The following MAMLD1 variants were observed in gnomAD, a reference collection of about 807,000 sequenced individuals.
MAMLD1 encodes mastermind like domain containing 1, also known as mastermind-like domain-containing protein 1.
In MAMLD1, 14 loss-of-function variants were observed where a neutral mutation model predicts 45.0. The observed-to-expected ratio is 0.31, with a 90% CI of 0.21 to 0.49. The LOEUF (loss-of-function observed/expected upper bound fraction) is 0.49. Among genes scored for constraint, MAMLD1 ranks in the 20% least tolerant of loss-of-function variants. MAMLD1 has a pLI of 0.99. For synonymous variants in MAMLD1, 254 were observed against 247.8 expected, an observed-to-expected ratio of 1.02 and a Z score of -0.24; for missense variants, 543 against 603.6, an observed-to-expected ratio of 0.90 and a Z score of 1.05.
chrX:150,430,019 C>CTTTTTTTTTTTT lies in MAMLD1; in HGVS notation c.-63-15422_-63-15411dup, dbSNP rs1174092962. On this transcript the variant is annotated intron_variant, in intron 1 of 7. Coordinates refer to ENST00000370401, the MANE Select transcript of MAMLD1 (RefSeq NM_005491.5). Reference sequence around the variant, plus strand: ...CCATTTTCTTTTCTTTCTTTCTTTTCTTTTTTTTTTTTTTTTTTTTTTTTG... The same window carrying CTTTTTTTTTTTT: ...CCATTTTCTTTTCTTTCTTTCTTTTCTTTTTTTTTTTTTTTTTTTTTTTTTTTTTTTTTTTTG... 1.2e-3 allele frequency among the ~76,000 whole-genome samples: 58 copies of CTTTTTTTTTTTT among 49,219 alleles called. 4 individuals are homozygous for CTTTTTTTTTTTT. The highest frequency in any genetic ancestry group is 1.5e-3 in the Admixed American group (4 of 2,751). 42.7% of individuals were successfully genotyped at this position (49,219 alleles called of 115,157 possible).
At chrX:150,486,650 C>T (rs984380748) in intron 5 of MAMLD1, among the ~76,000 whole-genome samples, 2 of 111,894 alleles carry the variant, frequency 1.8e-5, no homozygotes, top group African/African-American at 6.5e-5. Flanking sequence ...AACCTATTTA[C>T]CCCTTTCCCA....
At chrX:150,482,085 A>G (rs1287085619) in intron 5 of MAMLD1, among the ~76,000 whole-genome samples, 12 of 111,948 alleles carry the variant, frequency 1.1e-4, no homozygotes, top group African/African-American at 3.6e-4. Flanking sequence ...TTTGTTCACA[A>G]TAGTCAAAAG....
chrX:150,455,017 C>T (rs782605820), intron 2 of MAMLD1, among the ~76,000 whole-genome samples: 5 of 110,870 alleles, frequency 4.5e-5, no homozygotes, highest in Admixed American at 3.8e-4. Context: ...CTCATGTACA[C>T]GTACATGGTT....
intron 1 of MAMLD1, among the ~76,000 whole-genome samples, chrX:150,439,611 C>A (rs1188927056): frequency 1.8e-5 from 2 of 111,240 alleles, no homozygotes; most frequent in African/African-American, 6.5e-5. Context: ...GGTGTTGGCA[C>A]CCTGGTTGAA....
At chrX:150,426,774 C>T (rs1329821312) in intron 1 of MAMLD1, among the ~76,000 whole-genome samples, 2 of 111,267 alleles carry the variant, frequency 1.8e-5, no homozygotes, top group Non-Finnish European at 3.8e-5. Context: ...CTAAGCAGGC[C>T]CAGAAGCTCA....
At chrX:150,424,915 C>T (rs2034652840) in intron 1 of MAMLD1, among the ~76,000 whole-genome samples, 1 of 112,038 alleles carries the variant, frequency 8.9e-6, no homozygotes, top group Non-Finnish European at 1.9e-5. Context: ...TCCCCTAGCC[C>T]TAGGCAACCA....
chrX:150,385,908 A>T (rs1557402019), intron 1 of MAMLD1, among the ~76,000 whole-genome samples: 1 of 112,186 alleles, frequency 8.9e-6, no homozygotes, highest in Non-Finnish European at 1.9e-5. Context: ...TTGAGTAATC[A>T]GAACCCTTCT....
At chrX:150,394,523 T>C (rs2033340962) in intron 1 of MAMLD1, among the ~76,000 whole-genome samples, 1 of 111,195 alleles carries the variant, frequency 9.0e-6, no homozygotes, top group Admixed American at 9.6e-5. Context: ...AATCTATAGA[T>C]CAAATTGGGA....
At chrX:150,407,953 T>C (rs2034036574) in intron 1 of MAMLD1, among the ~76,000 whole-genome samples, 1 of 111,870 alleles carries the variant, frequency 8.9e-6, no homozygotes, top group Non-Finnish European at 1.9e-5. Context: ...TTTCTCTCTT[T>C]GCTGGCTCTA....
At chrX:150,428,984 C>A (rs2034817277) in intron 1 of MAMLD1, among the ~76,000 whole-genome samples, 1 of 111,697 alleles carries the variant, frequency 9.0e-6, no homozygotes, top group Non-Finnish European at 1.9e-5. Flanking sequence ...GCATTTTAAA[C>A]CTTTTTTCTT....
At chrX:150,438,189 T>G (rs1295562919) in intron 1 of MAMLD1, among the ~76,000 whole-genome samples, 1 of 112,375 alleles carries the variant, frequency 8.9e-6, no homozygotes, top group African/African-American at 3.2e-5. Context: ...AAGTCTTTAT[T>G]CCTCTGGGAT....
At chrX:150,409,518 A>C (rs2034075020) in intron 1 of MAMLD1, among the ~76,000 whole-genome samples, 1 of 111,566 alleles carries the variant, frequency 9.0e-6, no homozygotes, top group Non-Finnish European at 1.9e-5. Flanking sequence ...CTTTGAAGAG[A>C]GATGCAAAGG....
At chrX:150,422,323 C>A (rs2034546109) in intron 1 of MAMLD1, among the ~76,000 whole-genome samples, 1 of 112,396 alleles carries the variant, frequency 8.9e-6, no homozygotes, top group African/African-American at 3.2e-5. Context: ...AATCTGACTT[C>A]TAGAGTCATC....
Position 150,512,649 on chromosome X carries a change from C to G in MAMLD1, c.*690C>G. The G allele has an allele frequency of 2.6e-6, 3 of 1,149,047 alleles. No homozygotes were observed. The highest frequency in any genetic ancestry group is 3.5e-6 in the Non-Finnish European group (3 of 868,769). The allele number at this position is 1,149,047 out of a possible 1,213,427, so 94.7% of individuals were successfully genotyped here. On this transcript the variant is annotated 3_prime_UTR_variant, in exon 8 of 8. Coordinates refer to ENST00000370401, the MANE Select transcript of MAMLD1 (RefSeq NM_005491.5). ...CTCAGGCAGAGCCCGGTACAGGGCC[C>G]GGTGCCTGTAGCAAACACCACCAAG...
At chrX:150,465,787 G>A (rs1433941633) in intron 3 of MAMLD1, among the ~76,000 whole-genome samples, 1 of 112,547 alleles carries the variant, frequency 8.9e-6, no homozygotes, top group Non-Finnish European at 1.9e-5. Context: ...TAGGAGCTGT[G>A]GGACAGCTAG....
chrX:150,499,756 A>G (rs1203974228), intron 5 of MAMLD1, among the ~76,000 whole-genome samples: 4 of 111,839 alleles, frequency 3.6e-5, no homozygotes, highest in Non-Finnish European at 7.5e-5. Context: ...TCACATGTGC[A>G]CAGAGTTCAG....
At chrX:150,443,390 TTTTTATTTTA>T (rs77742506) in intron 1 of MAMLD1, among the ~76,000 whole-genome samples, 12 of 106,834 alleles carry the variant, frequency 1.1e-4, no homozygotes, top group Non-Finnish European at 1.7e-4. Context: ...TGATCATTTC[TTTTTATTTTA>T]TTTTATTTTA....
At chrX:150,418,030 T>C (rs2034326225) in intron 1 of MAMLD1, among the ~76,000 whole-genome samples, 1 of 110,695 alleles carries the variant, frequency 9.0e-6, no homozygotes, top group Admixed American at 9.6e-5. Context: ...TTCCTCCTTG[T>C]ACCTCTGGTA....
intron 2 of MAMLD1, among the ~76,000 whole-genome samples, chrX:150,453,837 C>T (rs1397232689): frequency 4.5e-5 from 5 of 112,282 alleles, no homozygotes; most frequent in African/African-American, 9.7e-5. Context: ...GGATGCTCTG[C>T]CCCCAGTCCT....
Sources: allele counts gnomAD v4.1 joint callset (sites outside exome capture counted in the v4.1 genomes callset), GRCh38; gene constraint gnomAD v4.1.1; transcripts MANE v1.5; gene names NCBI Gene and HGNC (gene_info 2026-07-23, HGNC 2026-07-21).